The following TEC variants were observed in gnomAD, a reference collection of about 807,000 sequenced individuals.
TEC encodes the protein tyrosine-protein kinase Tec.
TEC carries 72 observed loss-of-function variants against 93.0 expected under a neutral mutation model. The ratio of observed to expected loss-of-function variants is 0.77; its 90% confidence interval spans 0.64 to 0.94. The LOEUF (loss-of-function observed/expected upper bound fraction) is 0.94. Ranked by LOEUF, TEC falls within the 40% of genes least tolerant of loss-of-function variation. TEC has a pLI of 0.00. For synonymous variants in TEC, 249 were observed against 247.7 expected (o/e 1.01, Z -0.05); for missense variants, 630 against 757.9 (o/e 0.83, Z 1.98).
chr4:48,194,074 C>T lies in TEC; in HGVS notation c.139-17888G>A, dbSNP rs545288795. 1.2e-3 allele frequency among the ~76,000 whole-genome samples: 178 copies of T among 152,274 alleles called. 1 individual carries two copies. Among genetic ancestry groups the T allele is most frequent in the Non-Finnish European group, 2.0e-3 (139 of 68,012 alleles). On this transcript the variant is annotated intron_variant, in intron 2 of 17. Coordinates refer to ENST00000381501, the MANE Select transcript of TEC (RefSeq NM_003215.3). ...CCACCTCCTGGTATCCCAACCATGACCAATGGATTGATGAAGTGATAACCC... is the reference window on the plus strand; with the variant it reads ...CCACCTCCTGGTATCCCAACCATGATCAATGGATTGATGAAGTGATAACCC...
rs985567049 is a variant in TEC, at chr4:48,269,738, C to G, written c.-46+14G>C. On this transcript the variant is annotated intron_variant, in intron 1 of 17. Coordinates refer to ENST00000381501, the MANE Select transcript of TEC (RefSeq NM_003215.3). ...ACTCCCGGGGCCGCCCCAGCCCGCC[C>G]GCGGCGCCCTTACCTGGCTGAAGCG... 4.6e-5 allele frequency: 7 copies of G among 152,266 alleles called. No individual in the cohort carries two copies. Among genetic ancestry groups the G allele is most frequent in the African/African-American group, 1.7e-4 (7 of 41,448 alleles). 9.4% of individuals were successfully genotyped at this position (152,266 alleles called of 1,614,324 possible).
intron 2 of TEC, among the ~76,000 whole-genome samples, chr4:48,211,424 T>TA (rs375614489): frequency 0.054 from 8,241 of 152,100 alleles, 747 homozygotes; most frequent in African/African-American, 0.19. Context: ...AAAATTTTTT[T>TA]AATTATATCT....
rs1720419868 is a variant in TEC at position 48,156,740 on chromosome 4, C to T, written c.738-6G>A. 1 of 1,601,430 alleles carries T rather than the reference C, an allele frequency of 6.2e-7. No homozygotes were observed. The highest frequency in any genetic ancestry group is 1.3e-5 in the African/African-American group (1 of 74,104). ...TCATATTTCTGCAATACCATCTGAACAGAAAAAACAATACATTTCAGGCCT... is the reference window on the plus strand; with the variant it reads ...TCATATTTCTGCAATACCATCTGAATAGAAAAAACAATACATTTCAGGCCT... On this transcript the variant is annotated splice_region_variant and splice_polypyrimidine_tract_variant and intron_variant, in intron 8 of 17. Transcript: ENST00000381501.
chr4:48,188,947 A>G (rs1353088674), intron 2 of TEC, among the ~76,000 whole-genome samples: 1 of 152,220 alleles, frequency 6.6e-6, no homozygotes, highest in Non-Finnish European at 1.5e-5. Context: ...GATCAGTTAA[A>G]TATCTCAAGC....
chr4:48,226,517 C>G (rs143044665), intron 2 of TEC, among the ~76,000 whole-genome samples: 129 of 152,234 alleles, frequency 8.5e-4, no homozygotes, highest in Admixed American at 2.0e-3. Flanking sequence ...TATGATGATC[C>G]ACTTCCCGTT....
chr4:48,144,695 C>G (rs774232293), intron 14 of TEC, among the ~76,000 whole-genome samples: 4 of 152,098 alleles, frequency 2.6e-5, no homozygotes, highest in Non-Finnish European at 5.9e-5. Context: ...AACTTGGGCT[C>G]TAGTTAGAAA....
chr4:48,253,374 C>G (rs564637640), intron 1 of TEC, among the ~76,000 whole-genome samples: 2 of 152,096 alleles, frequency 1.3e-5, no homozygotes, highest in African/African-American at 4.8e-5. Context: ...CTCTAAAGCC[C>G]GTAGTCTTAT....
chr4:48,243,967 TA>T (rs11386785), intron 1 of TEC, among the ~76,000 whole-genome samples: 85 of 132,602 alleles, frequency 6.4e-4, no homozygotes, highest in South Asian at 2.4e-3. Flanking sequence ...AAAGTATAAT[TA>T]AAAAAAAAAA....
chr4:48,239,977 T>TGTGA (rs1723882572), intron 1 of TEC, among the ~76,000 whole-genome samples: 1 of 96,736 alleles, frequency 1.0e-5, no homozygotes, highest in Non-Finnish European at 1.9e-5. Flanking sequence ...TGATTTGCTC[T>TGTGA]GTGAGTGTGT....
intron 1 of TEC, among the ~76,000 whole-genome samples, chr4:48,245,826 T>C (rs1724037611): frequency 6.6e-6 from 1 of 152,124 alleles, no homozygotes; most frequent in African/African-American, 2.4e-5. Context: ...AACATTTACT[T>C]TGGGCCAAGC....
At chr4:48,217,165 G>A (rs576403018) in intron 2 of TEC, among the ~76,000 whole-genome samples, 8 of 152,152 alleles carry the variant, frequency 5.3e-5, no homozygotes, top group South Asian at 4.2e-4. Flanking sequence ...GCGGAATGGC[G>A]TGATCTCAGC....
At chr4:48,147,193 T>C (rs768781061) in intron 11 of TEC, among the ~76,000 whole-genome samples, 11 of 152,166 alleles carry the variant, frequency 7.2e-5, no homozygotes, top group Non-Finnish European at 4.4e-5. Flanking sequence ...CAGAATGAGA[T>C]ATAAATTGAT....
At chr4:48,187,690 T>C (rs752638775) in intron 2 of TEC, among the ~76,000 whole-genome samples, 2 of 152,328 alleles carry the variant, frequency 1.3e-5, no homozygotes, top group African/African-American at 2.4e-5. Flanking sequence ...TGTGTTTTAT[T>C]ACGGTTGAAA....
In TEC at chr4:48,199,455, CTTTTTTTTTTTTTT is replaced by C. The variant is rs34965891; in HGVS notation, c.139-23283_139-23270del. 9.6e-4 allele frequency among the ~76,000 whole-genome samples: 65 copies of C among 67,366 alleles called. 1 individual carries two copies. Among genetic ancestry groups the C allele is most frequent in the African/African-American group, 3.2e-3 (51 of 16,042 alleles). The allele number at this position is 67,366 out of a possible 152,430, so 44.2% of individuals were successfully genotyped here. ...CTGGGCTACAGAAAGGATTTTCTTT[CTTTTTTTTTTTTTT>C]TTTTTTTTTTTTTTTGAGACAAAGT... On this transcript the variant is annotated intron_variant, in intron 2 of 17. Transcript: ENST00000381501.
chr4:48,138,972 A>C lies in TEC; in HGVS notation c.1586T>G (p.Val529Gly), dbSNP rs1363412879. The C allele has an allele frequency of 6.2e-7, 1 of 1,614,248 alleles. No homozygotes were observed. The highest frequency in any genetic ancestry group is 1.1e-5 in the South Asian group (1 of 91,086). The stretch of plus-strand genomic sequence containing the variant: ...AAACACTTCAGGTGGACACCACTTC[A>C]CAGGAAACTTAGCACCAGAAGAACT... The part of the protein sequence containing the change: ...YTSSSGAKFP[V>G]KWCPPEVFNY... The change falls in exon 16 of 18, where the codon GTG (valine) becomes GGG (glycine). Residue 529 changes from valine (V) to glycine (G), a missense_variant. Val to Gly is a moderately radical substitution (Grantham distance 109). This residue lies in a region of TEC where 289 missense variants were observed against 390.0 expected (regional missense o/e 0.74). Coordinates refer to ENST00000381501, the MANE Select transcript of TEC (RefSeq NM_003215.3).
intron 2 of TEC, among the ~76,000 whole-genome samples, chr4:48,212,383 C>A (rs1410626599): frequency 6.6e-6 from 1 of 152,010 alleles, no homozygotes; most frequent in Non-Finnish European, 1.5e-5. Context: ...AGGAAGTCCC[C>A]CTTTGTGGGA....
At chr4:48,144,895 C>A (rs1250501306) in intron 14 of TEC, among the ~76,000 whole-genome samples, 184 bp downstream of exon 14, 1 of 152,136 alleles carries the variant, frequency 6.6e-6, no homozygotes, top group East Asian at 1.9e-4. Context: ...CTAAGTAAAT[C>A]ATTAGATTGA....
chr4:48,266,348 A>C (rs1326771532), intron 1 of TEC, among the ~76,000 whole-genome samples: 1 of 152,198 alleles, frequency 6.6e-6, no homozygotes, highest in Non-Finnish European at 1.5e-5. Flanking sequence ...TGGGGTGACA[A>C]GTGTGCCAAT....
chr4:48,139,642 C>T (rs558148369), intron 15 of TEC, among the ~76,000 whole-genome samples: 1 of 152,210 alleles, frequency 6.6e-6, no homozygotes, highest in Non-Finnish European at 1.5e-5. Context: ...CAATGTCCTT[C>T]TGGAAGAACA....
Sources: allele counts gnomAD v4.1 joint callset (sites outside exome capture counted in the v4.1 genomes callset), GRCh38; gene constraint gnomAD v4.1.1; regional missense constraint gnomAD v4.1.1; transcripts MANE v1.5; gene names NCBI Gene and HGNC (gene_info 2026-07-23, HGNC 2026-07-21).